UBE4B: variants seen among roughly 807,000 people sequenced by gnomAD.
UBE4B encodes the protein ubiquitination factor E4B.
In UBE4B, 27 loss-of-function variants were observed where a neutral mutation model predicts 148.1. The observed-to-expected ratio is 0.18, with a 90% confidence interval of 0.13 to 0.25. UBE4B has a LOEUF of 0.25. Ranked by LOEUF, UBE4B falls within the 10% of genes least tolerant of loss-of-function variation. UBE4B has a pLI of 1.00. For synonymous variants in UBE4B, 596 were observed against 619.3 expected (o/e 0.96, Z 0.56); for missense variants, 1,170 against 1,662.4 (o/e 0.70, Z 5.15).
chr1:10,101,976 GGT>G (rs35021874), intron 4 of UBE4B, among the ~76,000 whole-genome samples: 11,241 of 147,036 alleles, frequency 0.076, 766 homozygotes, highest in African/African-American at 0.19. Flanking sequence ...CTGCATTTAG[GGT>G]GTGTGTGTGT....
At chr1:10,033,750 G>T (rs1008368572) in intron 1 of UBE4B, 56 bp downstream of exon 1, 1 of 1,499,440 alleles carries the variant, frequency 6.7e-7, no homozygotes, top group African/African-American at 1.4e-5. Context: ...TAGCGCTTTG[G>T]ACAGGGATGG....
At chr1:10,073,509 G>A (rs1644522378) in intron 2 of UBE4B, among the ~76,000 whole-genome samples, 1 of 152,056 alleles carries the variant, frequency 6.6e-6, no homozygotes, top group Non-Finnish European at 1.5e-5. Flanking sequence ...ATCAGTTGAG[G>A]TCAGGAGTTT....
intron 1 of UBE4B, among the ~76,000 whole-genome samples, chr1:10,037,610 T>C (rs1014541625): frequency 6.6e-5 from 10 of 152,140 alleles, no homozygotes; most frequent in African/African-American, 2.2e-4. Flanking sequence ...CAGTCTGGAA[T>C]GCAATGGCAT....
At chr1:10,049,365 A>G (rs147077185) in intron 1 of UBE4B, among the ~76,000 whole-genome samples, 2 of 152,172 alleles carry the variant, frequency 1.3e-5, no homozygotes, top group African/African-American at 4.8e-5. Flanking sequence ...GGTACGGTTG[A>G]TGGGGCAGTT....
At chr1:10,162,014 T>TTTTTTTTTTTCC (rs1304484573) in intron 23 of UBE4B, among the ~76,000 whole-genome samples, 3 of 151,776 alleles carry the variant, frequency 2.0e-5, no homozygotes. Flanking sequence ...TTTTTTTTTT[T>TTTTTTTTTTTCC]TGAGACGGAG....
At chr1:10,179,818 TAC>T in intron 27 of UBE4B, 75 bp from the exon 28 acceptor site, 1 of 1,570,794 alleles carries the variant, frequency 6.4e-7, no homozygotes, top group Non-Finnish European at 8.7e-7. Flanking sequence ...TTCCCATTTA[TAC>T]AGAGCGACAA....
chr1:10,054,783 CTTTT>C (rs1249879519), intron 1 of UBE4B: 26 of 125,516 alleles, frequency 2.1e-4, no homozygotes, highest in East Asian at 1.1e-3. Context: ...TATCTTTCTC[CTTTT>C]TTTTTTTTTT....
At chr1:10,035,522 G>A (rs530900667) in intron 1 of UBE4B, among the ~76,000 whole-genome samples, 2 of 144,648 alleles carry the variant, frequency 1.4e-5, no homozygotes, top group South Asian at 2.2e-4. Context: ...TCAGACTCCG[G>A]AGTAGCTGGG....
chr1:10,132,567 C>A, intron 15 of UBE4B, 85 bp downstream of exon 15: 3 of 1,155,166 alleles, frequency 2.6e-6, no homozygotes, highest in African/African-American at 1.5e-5. Flanking sequence ...AGGCACTGTT[C>A]TAGGAGTGGG....
chr1:10,055,069 A>T (rs910051820), intron 1 of UBE4B, among the ~76,000 whole-genome samples: 8 of 152,136 alleles, frequency 5.3e-5, no homozygotes, highest in African/African-American at 7.2e-5. Flanking sequence ...TACAGGTGTG[A>T]GCCACCGCAC....
intron 23 of UBE4B, among the ~76,000 whole-genome samples, chr1:10,166,941 T>TCACA (rs559608777): frequency 1.2e-3 from 163 of 131,384 alleles, no homozygotes; most frequent in Middle Eastern, 7.8e-3. Flanking sequence ...AATAAATAAA[T>TCACA]CACACACACA....
At chr1:10,103,641 T>G (rs1206930664) in intron 5 of UBE4B, among the ~76,000 whole-genome samples, 1 of 147,024 alleles carries the variant, frequency 6.8e-6, no homozygotes, top group African/African-American at 2.5e-5. Flanking sequence ...TGTTTTTTTT[T>G]TTTTTTTTGA....
chr1:10,155,419 A>C (rs1330366391), intron 21 of UBE4B, among the ~76,000 whole-genome samples: 1 of 152,212 alleles, frequency 6.6e-6, no homozygotes, highest in African/African-American at 2.4e-5. Flanking sequence ...TAAAAGGGTC[A>C]AGAAGCTTGC....
chr1:10,073,920 A>ATTTTTTTTT (rs947131085), intron 2 of UBE4B, among the ~76,000 whole-genome samples: 8 of 74,844 alleles, frequency 1.1e-4, no homozygotes, highest in Middle Eastern at 9.3e-3. Context: ...CTTTCTTTCT[A>ATTTTTTTTT]TTTTTTTTTT....
chr1:10,128,736 A>T (rs1645542986), intron 11 of UBE4B: 1 of 152,302 alleles, frequency 6.6e-6, no homozygotes, highest in South Asian at 2.1e-4. Flanking sequence ...CAACTTCTAG[A>T]GCTGCGTCCG....
chr1:10,149,167 T>C lies in UBE4B; in HGVS notation c.2592-17T>C. On this transcript the variant is annotated splice_polypyrimidine_tract_variant and intron_variant, in intron 19 of 27. Transcript: ENST00000343090. Reference sequence around the variant, plus strand: ...ATAATTTCATTTAATAAATTGTCCTTTTTTTCTCTTTGACAGTATAACACT... The same window carrying C: ...ATAATTTCATTTAATAAATTGTCCTCTTTTTCTCTTTGACAGTATAACACT... 6.4e-7 allele frequency: 1 copy of C among 1,553,340 alleles called. No homozygotes were observed. The highest frequency in any genetic ancestry group is 8.7e-7 in the Non-Finnish European group (1 of 1,151,762).
chr1:10,174,947 C>CTTTGGTATGTCTTAGTTTGG (rs1460405112), intron 25 of UBE4B, among the ~76,000 whole-genome samples: 1 of 152,052 alleles, frequency 6.6e-6, no homozygotes, highest in Non-Finnish European at 1.5e-5. Flanking sequence ...TCTTAGTTTG[C>CTTTGGTATGTCTTAGTTTGG]TTTGGTATGT....
intron 24 of UBE4B, among the ~76,000 whole-genome samples, chr1:10,170,058 A>G (rs1646315981): frequency 6.6e-6 from 1 of 152,214 alleles, no homozygotes; most frequent in African/African-American, 2.4e-5. Context: ...GACCTGAGCC[A>G]TCTGTACACT....
At position 10,072,016 on chromosome 1, in the gene UBE4B, C is replaced by T. The variant is rs768755354; in HGVS notation, c.25-12C>T. On this transcript the variant is annotated splice_polypyrimidine_tract_variant and intron_variant, in intron 1 of 27. Transcript: ENST00000343090. ...ATTAGTTATAGAATGCCCTTTTCCCCTCATGTTGTAGATTCGACGGAGGCG... is the reference window on the plus strand; with the variant it reads ...ATTAGTTATAGAATGCCCTTTTCCCTTCATGTTGTAGATTCGACGGAGGCG... The T allele has an allele frequency of 1.3e-6, 2 of 1,565,212 alleles. No homozygotes were observed. Among genetic ancestry groups the T allele is most frequent in the Non-Finnish European group, 1.7e-6 (2 of 1,157,806 alleles).
Sources: allele counts gnomAD v4.1 joint callset (sites outside exome capture counted in the v4.1 genomes callset), GRCh38; gene constraint gnomAD v4.1.1; transcripts MANE v1.5; gene names NCBI Gene and HGNC (gene_info 2026-07-23, HGNC 2026-07-21).